The following DAB1 variants were observed in gnomAD, a reference collection of about 807,000 sequenced individuals.
DAB1 encodes DAB adaptor protein 1, also known as disabled homolog 1.
In DAB1, 15 loss-of-function variants were observed where a neutral mutation model predicts 64.6. The observed-to-expected ratio is 0.23, with a 90% CI of 0.16 to 0.36. The LOEUF is 0.36. Among genes scored for constraint, DAB1 ranks in the 10% least tolerant of loss-of-function variants. DAB1 has a pLI of 1.00. For missense variants in DAB1, 596 were observed against 706.7 expected, an observed-to-expected ratio of 0.84 and a Z score of 1.78; for synonymous variants, 235 against 251.9, an observed-to-expected ratio of 0.93 and a Z score of 0.64.
intron 7 of DAB1, among the ~76,000 whole-genome samples, chr1:57,491,321 G>A (rs1043396805): frequency 1.4e-4 from 20 of 140,718 alleles, no homozygotes; most frequent in African/African-American, 5.0e-4. Context: ...CCAGCGACTC[G>A]GGAGGCTGAG....
intron 1 of DAB1, among the ~76,000 whole-genome samples, chr1:57,321,954 A>G (rs1160467359): frequency 3.3e-5 from 5 of 152,206 alleles, no homozygotes; most frequent in Non-Finnish European, 7.4e-5. Flanking sequence ...CGCTCTCACC[A>G]TCTCCCCAGG....
At chr1:57,433,074 A>G (rs796250524) in intron 7 of DAB1, among the ~76,000 whole-genome samples, 28 of 152,314 alleles carry the variant, frequency 1.8e-4, no homozygotes, top group African/African-American at 6.5e-4. Context: ...GAAGATCCAA[A>G]TAAATGGAGA....
In DAB1 at chr1:58,025,694, A is replaced by C. The variant is rs191509903; in HGVS notation, n.387+124817T>G. On this transcript the variant is annotated intron_variant and non_coding_transcript_variant, in intron 5 of 20. Transcript: ENST00000485760. Reference sequence around the variant, plus strand: ...ATATATATATATATATATGGCCTTTAATCATAAATTTAGAGTAAAGTTATT... The same window carrying C: ...ATATATATATATATATATGGCCTTTCATCATAAATTTAGAGTAAAGTTATT... Among the ~76,000 whole-genome samples, 258 of 128,516 alleles carry C rather than the reference A, an allele frequency of 2.0e-3. 1 individual carries two copies. The highest frequency in any genetic ancestry group is 3.6e-3 in the Non-Finnish European group (225 of 61,756). 84.3% of individuals were successfully genotyped at this position (128,516 alleles called of 152,430 possible).
chr1:57,837,214 C>A (rs1156472253), intron 1 of DAB1, among the ~76,000 whole-genome samples: 8 of 152,212 alleles, frequency 5.3e-5, no homozygotes, highest in Non-Finnish European at 1.0e-4. Flanking sequence ...TTTTAAAAAA[C>A]AAATCTGATT....
intron 2 of DAB1, among the ~76,000 whole-genome samples, chr1:57,251,185 G>A (rs557243563): frequency 2.6e-5 from 4 of 152,158 alleles, no homozygotes; most frequent in Admixed American, 1.3e-4. Flanking sequence ...GTGAATGACC[G>A]TCCTTGAATA....
At chr1:58,165,252 C>G (rs1257417216) in intron 4 of DAB1, among the ~76,000 whole-genome samples, 3 of 152,164 alleles carry the variant, frequency 2.0e-5, no homozygotes, top group Non-Finnish European at 4.4e-5. Context: ...CAGACTGAAC[C>G]TGCTCTGGTT....
rs1056716110 is a variant in DAB1, at chr1:57,215,559, T to C, written c.68-70130A>G. ...TTTGTGTTGGACCGTGAATTTTGTGTTCAAGCGCTCTTTATAGAAATCTAC... is the reference window on the plus strand; with the variant it reads ...TTTGTGTTGGACCGTGAATTTTGTGCTCAAGCGCTCTTTATAGAAATCTAC... On this transcript the variant is annotated intron_variant, in intron 2 of 14. Coordinates refer to ENST00000371236, the MANE Select transcript of DAB1 (RefSeq NM_001365792.1). Among the ~76,000 whole-genome samples, 9 of 152,232 alleles carry C rather than the reference T, an allele frequency of 5.9e-5. No homozygotes were observed. The East Asian group carries it at 1.3e-3, about 23-fold the overall frequency.
chr1:58,135,552 T>G (rs1653895891), intron 5 of DAB1, among the ~76,000 whole-genome samples: 1 of 152,180 alleles, frequency 6.6e-6, no homozygotes, highest in African/African-American at 2.4e-5. Flanking sequence ...AATTTTAACT[T>G]TTATTTTAGA....
At chr1:57,989,240 C>T (rs1253722654) in intron 5 of DAB1, among the ~76,000 whole-genome samples, 1 of 152,090 alleles carries the variant, frequency 6.6e-6, no homozygotes, top group African/African-American at 2.4e-5. Flanking sequence ...AGGTAATTAC[C>T]TGATCCCCCT....
intron 2 of DAB1, among the ~76,000 whole-genome samples, chr1:57,236,327 T>A (rs551183859): frequency 6.6e-6 from 1 of 152,012 alleles, no homozygotes; most frequent in Non-Finnish European, 1.5e-5. Flanking sequence ...AAGCTCACAG[T>A]TGAGTAGGGG....
chr1:58,293,200 G>A (rs1476073694), intron 4 of DAB1, among the ~76,000 whole-genome samples: 1 of 152,188 alleles, frequency 6.6e-6, no homozygotes, highest in Non-Finnish European at 1.5e-5. Context: ...TTAGATGGAA[G>A]TCATGACTTG....
At chr1:57,227,519 T>TTTTGTG (rs3222527) in intron 2 of DAB1, among the ~76,000 whole-genome samples, 35 of 135,722 alleles carry the variant, frequency 2.6e-4, no homozygotes, top group African/African-American at 9.2e-4. Flanking sequence ...TTTTTTTCTT[T>TTTTGTG]TGTGTGTGTG....
At chr1:57,722,405 TG>T (rs1451987826) in intron 6 of DAB1, among the ~76,000 whole-genome samples, 1 of 152,160 alleles carries the variant, frequency 6.6e-6, no homozygotes, top group Non-Finnish European at 1.5e-5. Flanking sequence ...CACAAATACT[TG>T]GCGTATACAC....
intron 1 of DAB1, among the ~76,000 whole-genome samples, chr1:57,827,009 G>T (rs1211111066): frequency 6.6e-6 from 1 of 152,190 alleles, no homozygotes; most frequent in Non-Finnish European, 1.5e-5. Flanking sequence ...TGCCTCTCTG[G>T]CTTTGATTTT....
At chr1:57,933,464 A>T (rs1488199773) in intron 5 of DAB1, among the ~76,000 whole-genome samples, 1 of 152,216 alleles carries the variant, frequency 6.6e-6, no homozygotes, top group Admixed American at 6.5e-5. Flanking sequence ...CTAGAACTTC[A>T]TATAAATGGA....
At chr1:57,165,582 G>A (rs2100903086) in intron 2 of DAB1, among the ~76,000 whole-genome samples, 1 of 152,312 alleles carries the variant, frequency 6.6e-6, no homozygotes, top group African/African-American at 2.4e-5. Flanking sequence ...CAGATACAGT[G>A]ATAAACATTT....
At chr1:57,949,853 C>T (rs1645245532) in intron 5 of DAB1, among the ~76,000 whole-genome samples, 2 of 152,202 alleles carry the variant, frequency 1.3e-5, no homozygotes, top group Admixed American at 6.5e-5. Flanking sequence ...TTGAGAACTG[C>T]TTGCTAACTT....
intron 7 of DAB1, among the ~76,000 whole-genome samples, chr1:57,564,098 A>G (rs779846782): frequency 2.0e-5 from 3 of 152,150 alleles, no homozygotes; most frequent in Non-Finnish European, 2.9e-5. Context: ...CTTCCAGAGG[A>G]ACAATCAGGC....
chr1:57,221,952 T>G (rs1364996000), intron 2 of DAB1, among the ~76,000 whole-genome samples: 1 of 152,144 alleles, frequency 6.6e-6, no homozygotes, highest in Non-Finnish European at 1.5e-5. Flanking sequence ...CTTTTTATTT[T>G]TATTTGCCCA....
Sources: gnomAD v4.1 joint callset for allele counts (sites outside exome capture counted in the v4.1 genomes callset) on GRCh38, gnomAD v4.1.1 for gene constraint, MANE v1.5 for transcripts, NCBI Gene and HGNC (gene_info 2026-07-23, HGNC 2026-07-21) for gene names.